STRN3: variants seen among roughly 807,000 people sequenced by gnomAD.
STRN3 encodes the protein striatin-3.
In STRN3, 29 loss-of-function variants were observed where a neutral mutation model predicts 95.6. The observed-to-expected ratio is 0.30, with a 90% confidence interval of 0.23 to 0.41. The LOEUF is 0.41. Ranked by LOEUF, STRN3 falls within the 10% of genes least tolerant of loss-of-function variation. STRN3 has a pLI of 1.00. For synonymous variants in STRN3, 331 were observed against 357.6 expected, an observed-to-expected ratio of 0.93 and a Z score of 0.84; for missense variants, 890 against 972.1, an observed-to-expected ratio of 0.92 and a Z score of 1.12.
At chr14:30,971,946 CAG>C (rs1880851806) in intron 1 of STRN3, among the ~76,000 whole-genome samples, 1 of 152,134 alleles carries the variant, frequency 6.6e-6, no homozygotes, top group Admixed American at 6.5e-5. Context: ...CCACCTTATC[CAG>C]AGAAGCTTCT....
intron 1 of STRN3, among the ~76,000 whole-genome samples, chr14:30,967,344 GAA>G (rs1207262906): frequency 6.6e-6 from 1 of 152,012 alleles, no homozygotes; most frequent in African/African-American, 2.4e-5. Flanking sequence ...CAGAGAGAGA[GAA>G]AGAGACAAAG....
intron 1 of STRN3, among the ~76,000 whole-genome samples, chr14:30,989,457 T>C (rs1469258068): frequency 3.3e-5 from 5 of 151,978 alleles, no homozygotes; most frequent in African/African-American, 1.2e-4. Flanking sequence ...AAACACAGGA[T>C]TTTTATTTAT....
chr14:30,895,890 C>G (rs2138926846), intron 16 of STRN3, 142 bp from the exon 17 acceptor site: 1 of 668,448 alleles, frequency 1.5e-6, no homozygotes, highest in South Asian at 2.1e-5. Flanking sequence ...ATAAAATTTA[C>G]CACTGTAAAC....
chr14:30,980,402 C>CT (rs1212836333), intron 1 of STRN3, among the ~76,000 whole-genome samples: 7 of 151,406 alleles, frequency 4.6e-5, no homozygotes, highest in East Asian at 3.9e-4. Context: ...TTCTTTGTTT[C>CT]TTTTTTTTTC....
chr14:30,944,977 T>G (rs998348574), intron 5 of STRN3, among the ~76,000 whole-genome samples: 17 of 152,182 alleles, frequency 1.1e-4, no homozygotes, highest in African/African-American at 4.1e-4. Flanking sequence ...AAAATAATGT[T>G]TATAAACTAT....
At chr14:30,971,345 T>C (rs772303862) in intron 1 of STRN3, among the ~76,000 whole-genome samples, 6 of 152,182 alleles carry the variant, frequency 3.9e-5, no homozygotes, top group Non-Finnish European at 7.3e-5. Context: ...TATAGGTCTT[T>C]CAACTCTCAC....
At chr14:30,921,262 A>C (rs951622810) in intron 8 of STRN3, among the ~76,000 whole-genome samples, 3 of 151,644 alleles carry the variant, frequency 2.0e-5, no homozygotes, top group Non-Finnish European at 4.4e-5. Flanking sequence ...CTTGTAAATA[A>C]TTTAATTATA....
At chr14:30,974,337 A>G (rs866460992) in intron 1 of STRN3, among the ~76,000 whole-genome samples, 53 of 152,300 alleles carry the variant, frequency 3.5e-4, no homozygotes, top group Admixed American at 9.2e-4. Flanking sequence ...AATAGCATCA[A>G]AAAGAATATC....
intron 1 of STRN3, among the ~76,000 whole-genome samples, chr14:30,968,956 T>C (rs1381244041): frequency 6.6e-6 from 1 of 152,152 alleles, no homozygotes; most frequent in Admixed American, 6.6e-5. Context: ...AAAAAAAATA[T>C]ATATTTTGTT....
intron 10 of STRN3, 75 bp downstream of exon 10, chr14:30,913,449 G>GT: frequency 7.1e-7 from 1 of 1,415,958 alleles, no homozygotes; most frequent in Non-Finnish European, 9.4e-7. Flanking sequence ...TATTAATTCT[G>GT]TTTTATAAGT....
chr14:30,983,550 T>C (rs74884828), intron 1 of STRN3, among the ~76,000 whole-genome samples: 1 of 152,086 alleles, frequency 6.6e-6, no homozygotes, highest in Non-Finnish European at 1.5e-5. Context: ...GTCTCAAAAA[T>C]AAATAAATAA....
At position 30,900,351 on chromosome 14, in the gene STRN3, C is replaced by T. The variant is rs1896272914; in HGVS notation, c.2137+2185G>A. Among the ~76,000 whole-genome samples, 10 of 141,450 alleles carry T rather than the reference C, an allele frequency of 7.1e-5. No homozygotes were observed. In the South Asian group the frequency reaches 2.3e-3, roughly 32 times the overall value. 92.8% of individuals were successfully genotyped at this position (141,450 alleles called of 152,430 possible). A position where few individuals can be genotyped will look rare whatever the true frequency, so the allele number is the denominator to read the frequency against. On this transcript the variant is annotated intron_variant, in intron 16 of 17. Transcript: ENST00000357479. ...TCCAACCTGGGCAATAAGAATGAAA[C>T]TCCATCTCAAAAAAAAAAAAAAAAC...
At chr14:30,906,258 A>G (rs1323604766) in intron 14 of STRN3, among the ~76,000 whole-genome samples, 1 of 152,234 alleles carries the variant, frequency 6.6e-6, no homozygotes, top group Non-Finnish European at 1.5e-5. Context: ...AAGAGACACA[A>G]AATTATATAT....
intron 14 of STRN3, among the ~76,000 whole-genome samples, chr14:30,905,819 A>C (rs1896447036): frequency 6.6e-6 from 1 of 152,236 alleles, no homozygotes; most frequent in South Asian, 2.1e-4. Context: ...AAATACATGC[A>C]AAAGTTATTT....
intron 16 of STRN3, among the ~76,000 whole-genome samples, chr14:30,899,499 T>C (rs186843022): frequency 2.0e-5 from 3 of 152,348 alleles, no homozygotes; most frequent in African/African-American, 7.2e-5. Flanking sequence ...ACAGCATAGA[T>C]AAAAATTCAA....
chr14:30,965,981 A>G (rs1880480411), intron 1 of STRN3, among the ~76,000 whole-genome samples: 1 of 151,882 alleles, frequency 6.6e-6, no homozygotes, highest in South Asian at 2.1e-4. Flanking sequence ...ACTCATTCCA[A>G]TTACCTACTC....
intron 16 of STRN3, among the ~76,000 whole-genome samples, chr14:30,899,639 A>G (rs1303727468): frequency 6.6e-6 from 1 of 152,118 alleles, no homozygotes; most frequent in African/African-American, 2.4e-5. Flanking sequence ...TCTGCTCAAA[A>G]TATCCCCATA....
chr14:30,917,448 T>G (rs1043390218), intron 9 of STRN3, among the ~76,000 whole-genome samples: 1 of 152,138 alleles, frequency 6.6e-6, no homozygotes, highest in African/African-American at 2.4e-5. Context: ...TTGCAAAACC[T>G]GCACTTTAAA....
chr14:30,978,632 A>C lies in STRN3; in HGVS notation c.283-22390T>G, dbSNP rs367986241. Among the ~76,000 whole-genome samples, 12 of 152,368 alleles carry C rather than the reference A, an allele frequency of 7.9e-5. No homozygotes were observed. In the East Asian group the frequency reaches 2.3e-3, roughly 29 times the overall value. On this transcript the variant is annotated intron_variant, in intron 1 of 17. Transcript: ENST00000357479. ...CCTAGCTAATGCAAGAGATGAGAAA[A>C]GAAGAGGTATACAGATTGAGAAGGT...
Sources: allele counts gnomAD v4.1 joint callset (sites outside exome capture counted in the v4.1 genomes callset), GRCh38; gene constraint gnomAD v4.1.1; transcripts MANE v1.5; gene names NCBI Gene and HGNC (gene_info 2026-07-23, HGNC 2026-07-21).